NOVA2: variants seen among roughly 807,000 people sequenced by gnomAD.
The protein encoded by NOVA2 is NOVA alternative splicing regulator 2.
In NOVA2, 9 loss-of-function variants were observed where a neutral mutation model predicts 22.5. The ratio of observed to expected loss-of-function variants is 0.40; its 90% CI spans 0.24 to 0.70. The LOEUF is 0.70. NOVA2 is among the 30% of genes least tolerant of loss of function. The pLI, the probability that NOVA2 is intolerant of heterozygous loss-of-function variation, is 0.38. For missense variants in NOVA2, 383 were observed against 682.8 expected (o/e 0.56, Z 4.89); for synonymous variants, 318 against 335.2 (o/e 0.95, Z 0.56).
In NOVA2 at chr19:45,934,092, C is replaced by G. The variant is rs1967626791; in HGVS notation, c.*5771G>C. The stretch of plus-strand genomic sequence containing the variant: ...GAAATGGAATGAAGGAGTGGGACAG[C>G]AGGCAGGGGGCCAGCCTGGGGCCTG... On this transcript the variant is annotated 3_prime_UTR_variant, in exon 4 of 4. Coordinates refer to ENST00000263257, the MANE Select transcript of NOVA2 (RefSeq NM_002516.4). 1 of 152,684 alleles carries G rather than the reference C, an allele frequency of 6.5e-6. No homozygotes were observed. The highest frequency in any genetic ancestry group is 2.1e-4 in the South Asian group (1 of 4,826). The allele number at this position is 152,684 out of a possible 1,614,324, so 9.5% of individuals were successfully genotyped here.
rs1005785009 is a variant in NOVA2, at chr19:45,973,777, T to C, written c.-426A>G. On this transcript the variant is annotated 5_prime_UTR_variant, in exon 1 of 4. Transcript: ENST00000263257. The stretch of plus-strand genomic sequence containing the variant: ...AAGAACTGAGAGGTGGGGTCTCTCC[T>C]GGGACCACAGAGGCTGGGGACTGGA... 6.8e-6 allele frequency among the ~76,000 whole-genome samples: 1 copy of C among 147,638 alleles called. No homozygotes were observed. The highest frequency in any genetic ancestry group is 2.5e-5 in the African/African-American group (1 of 39,724).
intron 1 of NOVA2, among the ~76,000 whole-genome samples, chr19:45,963,009 G>A (rs138281712): frequency 3.0e-4 from 45 of 152,168 alleles, no homozygotes; most frequent in African/African-American, 1.1e-3. Flanking sequence ...CTCAAGGCAA[G>A]CATCTAGCCT....
chr19:45,963,091 GC>G (rs533233687), intron 1 of NOVA2, among the ~76,000 whole-genome samples: 394 of 152,222 alleles, frequency 2.6e-3, no homozygotes, highest in Non-Finnish European at 4.2e-3. Context: ...AAGACCCTTT[GC>G]GGCCGGGAGC....
At chr19:45,961,925 C>T (rs1344791899) in intron 1 of NOVA2, among the ~76,000 whole-genome samples, 1 of 152,122 alleles carries the variant, frequency 6.6e-6, no homozygotes, top group African/African-American at 2.4e-5. Flanking sequence ...AAGGAGGCCC[C>T]TGTGCCTGGG....
chr19:45,968,549 G>A (rs1203644166), intron 1 of NOVA2, among the ~76,000 whole-genome samples: 1 of 152,022 alleles, frequency 6.6e-6, no homozygotes, highest in East Asian at 1.9e-4. Flanking sequence ...CCATTGGATG[G>A]TGGATGGTGA....
intron 3 of NOVA2, among the ~76,000 whole-genome samples, chr19:45,947,232 G>A (rs185850669): frequency 4.8e-4 from 73 of 152,212 alleles, no homozygotes; most frequent in Non-Finnish European, 9.1e-4. Context: ...CTAGAAAAGT[G>A]CCTGGAACAC....
chr19:45,969,331 C>A (rs751825092), intron 1 of NOVA2, among the ~76,000 whole-genome samples: 1 of 150,812 alleles, frequency 6.6e-6, no homozygotes, highest in Non-Finnish European at 1.5e-5. Flanking sequence ...ATAGCAAGAC[C>A]CTGTCTCTAC....
chr19:45,960,676 G>A (rs766501971), intron 2 of NOVA2, among the ~76,000 whole-genome samples: 11 of 152,030 alleles, frequency 7.2e-5, no homozygotes, highest in Non-Finnish European at 1.3e-4. Context: ...AAGCCCGGAG[G>A]GACGCCCTGA....
intron 2 of NOVA2, among the ~76,000 whole-genome samples, chr19:45,958,521 ATG>A (rs753403050): frequency 2.7e-5 from 4 of 146,704 alleles, no homozygotes; most frequent in East Asian, 2.0e-4. Context: ...ATGTGTGACA[ATG>A]TGTGACAGTG....
At chr19:45,960,956 G>C in intron 2 of NOVA2, 54 bp downstream of exon 2, 3 of 1,528,186 alleles carry the variant, frequency 2.0e-6, no homozygotes, top group Non-Finnish European at 2.7e-6. Context: ...AGGTGGGAGG[G>C]AGAAAGGGAG....
chr19:45,954,628 T>G (rs1967976477), intron 2 of NOVA2, among the ~76,000 whole-genome samples: 1 of 152,016 alleles, frequency 6.6e-6, no homozygotes, highest in Non-Finnish European at 1.5e-5. Flanking sequence ...GGTCAAAGAC[T>G]GCTCATGGAG....
chr19:45,971,025 C>T (rs989533286), intron 1 of NOVA2, among the ~76,000 whole-genome samples: 2 of 152,102 alleles, frequency 1.3e-5, no homozygotes, highest in Admixed American at 6.6e-5. Context: ...ACCAGGCAGC[C>T]TAGGGTTGGG....
At position 45,973,340 on chromosome 19, in the gene NOVA2, C is replaced by T. The variant is rs777493618; in HGVS notation, c.12G>A (p.Glu4=). 4.0e-5 allele frequency: 50 copies of T among 1,252,450 alleles called. No individual in the cohort carries two copies. The highest frequency in any genetic ancestry group is 4.6e-5 in the Non-Finnish European group (46 of 990,084). 77.6% of individuals were successfully genotyped at this position (1,252,450 alleles called of 1,614,324 possible). MEP[E]APDSRKRPLE... is the part of the protein sequence containing the mutation. ...GGGGCCTCTTGCGGGAATCCGGGGC[C>T]TCGGGCTCCATGGGGGGGGCCTGGG... The change falls in exon 1 of 4, where the codon GAG becomes GAA. Residue 4 remains glutamate (E), a synonymous_variant. Coordinates refer to ENST00000263257, the MANE Select transcript of NOVA2 (RefSeq NM_002516.4).
intron 2 of NOVA2, among the ~76,000 whole-genome samples, chr19:45,956,423 A>G (rs1968006515): frequency 6.6e-6 from 1 of 151,468 alleles, no homozygotes; most frequent in Admixed American, 6.6e-5. Flanking sequence ...AGTGTCTAAT[A>G]ATAGCTGACC....
chr19:45,956,347 A>C (rs2146418798), intron 2 of NOVA2, among the ~76,000 whole-genome samples: 1 of 152,288 alleles, frequency 6.6e-6, no homozygotes, highest in Admixed American at 6.5e-5. Context: ...TTGACCTTCC[A>C]TCCCCTTGTA....
At chr19:45,948,386 T>A (rs1967872345) in intron 3 of NOVA2, among the ~76,000 whole-genome samples, 1 of 151,260 alleles carries the variant, frequency 6.6e-6, no homozygotes, top group Admixed American at 6.6e-5. Flanking sequence ...GATCACGGGG[T>A]CAGGAGATCA....
chr19:45,945,318 G>GA (rs577664610), intron 3 of NOVA2, among the ~76,000 whole-genome samples: 369 of 143,214 alleles, frequency 2.6e-3, no homozygotes, highest in Non-Finnish European at 3.1e-3. Context: ...AAGAAAGAAA[G>GA]AAAAAAAAAA....
At chr19:45,942,559 A>G (rs1488719842) in intron 3 of NOVA2, among the ~76,000 whole-genome samples, 1 of 152,096 alleles carries the variant, frequency 6.6e-6, no homozygotes, top group East Asian at 1.9e-4. Flanking sequence ...AGATAACATG[A>G]AGGCTTTTGT....
In NOVA2 at chr19:45,940,728, TG is replaced by T; in HGVS notation, c.613del (p.Gln205ArgfsTer191). ...AIVQKVQEDP[Q>X]SSSCLNISYA... Reference sequence around the variant, plus strand: ...GCTGATGTTGAGGCAGCTGCTGCTCTGGGGGTCTTCTTGTACCTTCTGCACG... The same window carrying T: ...GCTGATGTTGAGGCAGCTGCTGCTCTGGGGTCTTCTTGTACCTTCTGCACG... On this transcript the variant is annotated frameshift_variant, in exon 4 of 4. Transcript: ENST00000263257. LOFTEE classifies it low-confidence loss of function (END_TRUNC). 2 of 1,610,040 alleles carry T rather than the reference TG, an allele frequency of 1.2e-6. No individual in the cohort carries two copies.
Sources: allele counts gnomAD v4.1 joint callset (sites outside exome capture counted in the v4.1 genomes callset), GRCh38; gene constraint gnomAD v4.1.1; transcripts MANE v1.5; gene names NCBI Gene and HGNC (gene_info 2026-07-23, HGNC 2026-07-21).